The following KCNMA1 variants were observed in gnomAD, a reference collection of about 807,000 sequenced individuals.
The protein encoded by KCNMA1 is Calcium-activated potassium channel subunit alpha-1.
KCNMA1 carries 29 observed loss-of-function variants against 140.0 expected under a neutral mutation model. The observed-to-expected ratio is 0.21, with a 90% CI of 0.15 to 0.28. The LOEUF (loss-of-function observed/expected upper bound fraction) is 0.28. KCNMA1 is among the 10% of genes least tolerant of loss of function. The pLI is 1.00. For synonymous variants in KCNMA1, 612 were observed against 611.9 expected (o/e 1.00, Z 0.00); for missense variants, 880 against 1,602.2 (o/e 0.55, Z 7.70).
chr10:77,233,303 T>A (rs2054242989), intron 3 of KCNMA1, among the ~76,000 whole-genome samples: 2 of 152,290 alleles, frequency 1.3e-5, no homozygotes, highest in South Asian at 4.1e-4. Context: ...TAATGCCCAA[T>A]ACAAGTCATT....
At chr10:76,996,729 G>A (rs541828776) in intron 19 of KCNMA1, among the ~76,000 whole-genome samples, 113 of 152,246 alleles carry the variant, frequency 7.4e-4, no homozygotes, top group Middle Eastern at 6.8e-3. Context: ...ACATCGATTC[G>A]TGCTTATTAT....
At chr10:77,066,604 T>C (rs1283867647) in intron 14 of KCNMA1, among the ~76,000 whole-genome samples, 1 of 152,142 alleles carries the variant, frequency 6.6e-6, no homozygotes, top group Admixed American at 6.5e-5. Context: ...AATATAAATA[T>C]GGAAGTCATC....
intron 1 of KCNMA1, among the ~76,000 whole-genome samples, chr10:77,440,919 C>T (rs902501368): frequency 6.6e-6 from 1 of 152,162 alleles, no homozygotes; most frequent in Non-Finnish European, 1.5e-5. Context: ...CCCGGGTTCA[C>T]GCCATTCTCC....
At chr10:76,933,099 T>C (rs2059676507) in intron 23 of KCNMA1, among the ~76,000 whole-genome samples, 1 of 152,186 alleles carries the variant, frequency 6.6e-6, no homozygotes. Context: ...TGCAACATCT[T>C]TGATCTCTGT....
At chr10:77,629,436 C>T (rs2092928120) in intron 1 of KCNMA1, among the ~76,000 whole-genome samples, 1 of 152,178 alleles carries the variant, frequency 6.6e-6, no homozygotes, top group Admixed American at 6.5e-5. Flanking sequence ...ATCTCTTTCA[C>T]CAGGAGTTTC....
intron 11 of KCNMA1, among the ~76,000 whole-genome samples, chr10:77,086,032 A>G (rs1284018756): frequency 6.6e-6 from 1 of 152,208 alleles, no homozygotes; most frequent in East Asian, 1.9e-4. Flanking sequence ...AAGAAAGCTC[A>G]AATGTTTTAT....
At chr10:77,028,087 GAT>G (rs2093627090) in intron 15 of KCNMA1, among the ~76,000 whole-genome samples, 196 bp from the exon 16 acceptor site, 1 of 152,152 alleles carries the variant, frequency 6.6e-6, no homozygotes, top group South Asian at 2.1e-4. Flanking sequence ...TCTTGCAAGT[GAT>G]AAGGTGCTGG....
Position 76,953,872 on chromosome 10 carries a change from T to C in KCNMA1, c.2413A>G (p.Asn805Asp). The C allele has an allele frequency of 6.2e-7, 1 of 1,613,998 alleles. No individual in the cohort carries two copies. The highest frequency in any genetic ancestry group is 8.5e-7 in the Non-Finnish European group (1 of 1,179,850). The change falls in exon 21 of 28, where the codon AAT becomes GAT. Residue 805 changes from asparagine (N) to aspartate (D), a missense_variant. Coordinates refer to ENST00000286628, the MANE Select transcript of KCNMA1 (RefSeq NM_001161352.2). ...GNDQIDNMDS[N>D]VKKYDSTGMF... ...CCAGTAGAGTCGTACTTCTTCACAT[T>C]GGAGTCCATGTTGTCAATCTGATCA...
chr10:77,603,098 C>T (rs2083198775), intron 1 of KCNMA1, among the ~76,000 whole-genome samples: 1 of 152,184 alleles, frequency 6.6e-6, no homozygotes, highest in African/African-American at 2.4e-5. Flanking sequence ...TGACAGACTT[C>T]AGAGGGAAAC....
intron 23 of KCNMA1, among the ~76,000 whole-genome samples, chr10:76,943,591 A>G (rs2063153961): frequency 6.6e-6 from 1 of 152,118 alleles, no homozygotes; most frequent in Non-Finnish European, 1.5e-5. Flanking sequence ...GTTGCCTCCA[A>G]AGAATCAAAG....
intron 2 of KCNMA1, among the ~76,000 whole-genome samples, chr10:77,307,828 C>T (rs1052215553): frequency 2.0e-5 from 3 of 152,202 alleles, no homozygotes; most frequent in African/African-American, 4.8e-5. Context: ...GGATTACAGG[C>T]ATGAGCCACT....
At chr10:77,266,099 C>T (rs989413383) in intron 2 of KCNMA1, among the ~76,000 whole-genome samples, 5 of 149,214 alleles carry the variant, frequency 3.4e-5, no homozygotes, top group Admixed American at 1.3e-4. Flanking sequence ...AAAAATACCT[C>T]GTAGGCTTAG....
At chr10:77,573,316 C>T (rs1054825293) in intron 1 of KCNMA1, among the ~76,000 whole-genome samples, 4 of 152,130 alleles carry the variant, frequency 2.6e-5, no homozygotes, top group South Asian at 2.1e-4. Context: ...TGTGCATGGG[C>T]GGTGGGGATG....
chr10:77,435,920 G>A (rs1197076110), intron 1 of KCNMA1, among the ~76,000 whole-genome samples: 1 of 152,190 alleles, frequency 6.6e-6, no homozygotes, highest in African/African-American at 2.4e-5. Context: ...TGAACCATGG[G>A]ACCCAGATGC....
At chr10:77,325,957 T>C (rs2084013726) in intron 2 of KCNMA1, among the ~76,000 whole-genome samples, 1 of 152,144 alleles carries the variant, frequency 6.6e-6, no homozygotes, top group African/African-American at 2.4e-5. Flanking sequence ...GAGTTTACCC[T>C]TTGCCCAACC....
chr10:77,477,013 C>T (rs1023853678), intron 1 of KCNMA1, among the ~76,000 whole-genome samples: 6 of 152,216 alleles, frequency 3.9e-5, no homozygotes, highest in Non-Finnish European at 7.4e-5. Flanking sequence ...AAAACAAAAA[C>T]GAAAACCAGC....
intron 1 of KCNMA1, among the ~76,000 whole-genome samples, chr10:77,563,860 G>A (rs1380461463): frequency 6.6e-6 from 1 of 152,222 alleles, no homozygotes; most frequent in Non-Finnish European, 1.5e-5. Context: ...CCTGGTCCCG[G>A]CTCTGCCACT....
chr10:76,960,619 T>G (rs562950152), intron 20 of KCNMA1, among the ~76,000 whole-genome samples: 45 of 101,114 alleles, frequency 4.5e-4, no homozygotes, highest in Non-Finnish European at 8.2e-4. Flanking sequence ...TATGGTTTTG[T>G]TTTTTTTTTT....
chr10:76,956,220 A>T (rs1457054296), intron 20 of KCNMA1, among the ~76,000 whole-genome samples: 5 of 152,304 alleles, frequency 3.3e-5, no homozygotes, highest in African/African-American at 1.2e-4. Context: ...AGCAAGCCTG[A>T]TGATCGATCG....
Sources: gnomAD v4.1 joint callset for allele counts (sites outside exome capture counted in the v4.1 genomes callset) on GRCh38, gnomAD v4.1.1 for gene constraint, MANE v1.5 for transcripts, NCBI Gene and HGNC (gene_info 2026-07-23, HGNC 2026-07-21) for gene names.